PNN: variants seen among roughly 807,000 people sequenced by gnomAD.
The protein encoded by PNN is pinin.
PNN carries 38 observed loss-of-function variants against 76.6 expected under a neutral mutation model. The ratio of observed to expected loss-of-function variants is 0.50; its 90% CI spans 0.38 to 0.65. The LOEUF (loss-of-function observed/expected upper bound fraction) is 0.65. Ranked by LOEUF, PNN falls within the 30% of genes least tolerant of loss-of-function variation. The pLI, the probability that PNN is intolerant of heterozygous loss-of-function variation, is 0.00. For missense variants in PNN, 873 were observed against 874.1 expected, an observed-to-expected ratio of 1.00 and a Z score of 0.02; for synonymous variants, 366 against 283.7, an observed-to-expected ratio of 1.29 and a Z score of -2.91.
intron 8 of PNN, among the ~76,000 whole-genome samples, chr14:39,179,903 A>G (rs902864775): frequency 5.7e-4 from 69 of 121,680 alleles, no homozygotes; most frequent in Admixed American, 8.4e-4. Flanking sequence ...CTCCATCTCA[A>G]AAAAAAAAAA....
At position 39,179,305 on chromosome 14, in the gene PNN, C is replaced by G; in HGVS notation, c.655-19C>G. On this transcript the variant is annotated intron_variant, in intron 7 of 8. Transcript: ENST00000216832. ...TCCTTTGTGTTTACAAAAGCACTGA[C>G]CCTTTACCTTTTCTTTAGCAAGAAG... 6.2e-7 allele frequency: 1 copy of G among 1,609,708 alleles called. No homozygotes were observed. Among genetic ancestry groups the G allele is most frequent in the South Asian group, 1.1e-5 (1 of 90,274 alleles).
rs537808321 is a variant in PNN, at chr14:39,182,878, A to G, written c.*1015A>G. The G allele has an allele frequency of 2.0e-5, 3 of 152,794 alleles. No individual in the cohort carries two copies. The East Asian group carries it at 5.8e-4, about 29-fold the overall frequency. The allele number at this position is 152,794 out of a possible 1,614,324, so 9.5% of individuals were successfully genotyped here. ...TAACTTTGTTGTTTTACAAATTTGT[A>G]TGAACTTGGAGTATCTGTTGGCCAT... On this transcript the variant is annotated 3_prime_UTR_variant, in exon 9 of 9. Transcript: ENST00000216832.
chr14:39,177,158 G>C (rs980135507), intron 3 of PNN, among the ~76,000 whole-genome samples: 8 of 152,216 alleles, frequency 5.3e-5, no homozygotes, highest in African/African-American at 9.6e-5. Context: ...GCCAAGACCA[G>C]CAGATCACTT....
chr14:39,175,482 T>C (rs2053212805), intron 1 of PNN, 90 bp downstream of exon 1: 1 of 798,574 alleles, frequency 1.3e-6, no homozygotes, highest in Non-Finnish European at 2.1e-6. Flanking sequence ...CGGCCAGCCT[T>C]AAGAAGACTG....
At chr14:39,175,789 T>C (rs1043244098) in intron 1 of PNN, 2 of 479,808 alleles carry the variant, frequency 4.2e-6, no homozygotes, top group Non-Finnish European at 7.4e-6. Flanking sequence ...CCCAGCTTCC[T>C]GTCCACGTGC....
chr14:39,179,316 TTC>T lies in PNN; in HGVS notation c.655-6_655-5del. On this transcript the variant is annotated splice_polypyrimidine_tract_variant and splice_region_variant and intron_variant, in intron 7 of 8. Coordinates refer to ENST00000216832, the MANE Select transcript of PNN (RefSeq NM_002687.4). ...TACAAAAGCACTGACCCTTTACCTT[TTC>T]TTTAGCAAGAAGAATGGAATGAACA... 1 of 1,608,920 alleles carries T rather than the reference TTC, an allele frequency of 6.2e-7. No homozygotes were observed. Among genetic ancestry groups the T allele is most frequent in the South Asian group, 1.1e-5 (1 of 90,038 alleles).
intron 2 of PNN, 107 bp downstream of exon 2, chr14:39,176,256 CTTTGT>C: frequency 1.4e-6 from 1 of 715,250 alleles, no homozygotes; most frequent in African/African-American, 1.8e-5. Flanking sequence ...TGTTTGTCGT[CTTTGT>C]TTTGTTTAAT....
chr14:39,176,026 C>T (rs895916698), intron 1 of PNN, 52 bp from the exon 2 acceptor site: 25 of 930,506 alleles, frequency 2.7e-5, no homozygotes, highest in Admixed American at 2.1e-4. Context: ...TATTTGGGTG[C>T]GACTGTGTGT....
rs927203371 is a variant in PNN, at chr14:39,182,096, T to TA, written c.*240dup. ...CCAAAATATGTAAAAATGATAATAATAAAAAAAGATTAACATCCCTTGTCA... is the reference window on the plus strand; with the variant it reads ...CCAAAATATGTAAAAATGATAATAATAAAAAAAAGATTAACATCCCTTGTCA... On this transcript the variant is annotated 3_prime_UTR_variant, in exon 9 of 9. Transcript: ENST00000216832. 12 of 403,926 alleles carry TA rather than the reference T, an allele frequency of 3.0e-5. No individual in the cohort carries two copies. The highest frequency in any genetic ancestry group is 5.3e-5 in the Non-Finnish European group (12 of 228,124). 25.0% of individuals were successfully genotyped at this position (403,926 alleles called of 1,614,324 possible). A position where few individuals can be genotyped will look rare whatever the true frequency, so the allele number is the denominator to read the frequency against.
chr14:39,181,462 A>G lies in PNN; in HGVS notation c.1753A>G (p.Ser585Gly). The G allele has an allele frequency of 6.2e-7, 1 of 1,611,696 alleles. No homozygotes were observed. The highest frequency in any genetic ancestry group is 8.5e-7 in the Non-Finnish European group (1 of 1,178,760). Residue 585 changes from serine to glycine, a missense_variant, in exon 9 of 9, where the codon AGC becomes GGC. Ser to Gly is a moderately conservative substitution (Grantham distance 56, BLOSUM62 0). Transcript: ENST00000216832. ...SRSSSSSSSS[S>G]SSTSSSSGSS... Reference sequence around the variant, plus strand: ...AAGCAGTAGCAGTAGCAGTTCTAGTAGCAGTTCAACCAGTAGCAGCAGTGG... The same window carrying G: ...AAGCAGTAGCAGTAGCAGTTCTAGTGGCAGTTCAACCAGTAGCAGCAGTGG...
At chr14:39,178,744 AAAT>A (rs1178250975) in intron 6 of PNN, among the ~76,000 whole-genome samples, 4 of 143,158 alleles carry the variant, frequency 2.8e-5, no homozygotes, top group South Asian at 2.1e-4. Flanking sequence ...AAAAAAAAAA[AAAT>A]TTTTTTTGAG....
chr14:39,181,680 T>G lies in PNN; in HGVS notation c.1971T>G (p.Thr657=), dbSNP rs767876080. 1 of 1,614,016 alleles carries G rather than the reference T, an allele frequency of 6.2e-7. No homozygotes were observed. The highest frequency in any genetic ancestry group is 1.1e-5 in the South Asian group (1 of 91,080). The part of the protein sequence containing the change: ...RRSVDRKRRD[T]SGLERSHKSS... The stretch of plus-strand genomic sequence containing the variant: ...GCGTGGATCGGAAGAGAAGGGATAC[T>G]TCAGGACTAGAAAGAAGTCACAAAT... Residue 657 remains threonine, a synonymous_variant, in exon 9 of 9, where the codon ACT becomes ACG. Transcript: ENST00000216832.
Position 39,181,752 on chromosome 14 carries a change from G to A in PNN, c.2043G>A (p.Lys681=). ...GAGATACAAAAGGATCAAAGGATAA[G>A]AATTCCCGGTCCGACAGAAAGAGGT... The part of the protein sequence containing the change: ...SSRDTKGSKD[K]NSRSDRKRSI... The change falls in exon 9 of 9, where the codon AAG becomes AAA. Residue 681 remains lysine, a synonymous_variant. Coordinates refer to ENST00000216832, the MANE Select transcript of PNN (RefSeq NM_002687.4). 1.2e-6 allele frequency: 2 copies of A among 1,614,150 alleles called. No individual in the cohort carries two copies. The highest frequency in any genetic ancestry group is 2.2e-5 in the South Asian group (2 of 91,086).
intron 2 of PNN, 111 bp downstream of exon 2, chr14:39,176,260 G>A (rs2053223004): frequency 1.4e-6 from 1 of 706,970 alleles, no homozygotes; most frequent in Non-Finnish European, 2.5e-6. Context: ...TGTCGTCTTT[G>A]TTTTGTTTAA....
intron 2 of PNN, 128 bp downstream of exon 2, chr14:39,176,277 A>G (rs950081126): frequency 3.9e-5 from 26 of 659,142 alleles, no homozygotes; most frequent in Non-Finnish European, 5.9e-5. Flanking sequence ...TTAATGTTGT[A>G]ATAGACTAGA....
In PNN at chr14:39,179,377, G is replaced by A. The variant is rs999181190; in HGVS notation, c.708G>A (p.Lys236=). 11 of 1,610,386 alleles carry A rather than the reference G, an allele frequency of 6.8e-6. No homozygotes were observed. The highest frequency in any genetic ancestry group is 9.3e-6 in the Non-Finnish European group (11 of 1,176,910). The part of the protein sequence containing the change: ...NAKIIKYIRT[K]TKPHLFYIPG... The stretch of plus-strand genomic sequence containing the variant: ...AAATAATTAAATATATAAGAACTAA[G>A]ACAAAGCCCCATTTGTTTTATATTC... Residue 236 remains lysine, a synonymous_variant, in exon 8 of 9, where the codon AAG becomes AAA. Coordinates refer to ENST00000216832, the MANE Select transcript of PNN (RefSeq NM_002687.4).
Position 39,176,967 on chromosome 14 carries a change from C to G in PNN, c.254+372C>G, listed in dbSNP as rs146221195. ...TAGTTCACACATTGTAGTATCCTTT[C>G]TCTGCTGGAGGAAAGAATAAAATGG... On this transcript the variant is annotated intron_variant, in intron 3 of 8. Coordinates refer to ENST00000216832, the MANE Select transcript of PNN (RefSeq NM_002687.4). Among the ~76,000 whole-genome samples the G allele has an allele frequency of 6.5e-4, 99 of 152,306 alleles. 1 individual carries two copies. The East Asian group carries it at 0.015, about 24-fold the overall frequency.
Position 39,179,312 on chromosome 14 carries a change from C to A in PNN, c.655-12C>A. Reference sequence around the variant, plus strand: ...TGTTTACAAAAGCACTGACCCTTTACCTTTTCTTTAGCAAGAAGAATGGAA... The same window carrying A: ...TGTTTACAAAAGCACTGACCCTTTAACTTTTCTTTAGCAAGAAGAATGGAA... On this transcript the variant is annotated splice_polypyrimidine_tract_variant and intron_variant, in intron 7 of 8. Coordinates refer to ENST00000216832, the MANE Select transcript of PNN (RefSeq NM_002687.4). 6.2e-7 allele frequency: 1 copy of A among 1,609,072 alleles called. No individual in the cohort carries two copies. Among genetic ancestry groups the A allele is most frequent in the South Asian group, 1.1e-5 (1 of 90,142 alleles).
chr14:39,175,710 C>G (rs376399338), intron 1 of PNN: 6 of 467,684 alleles, frequency 1.3e-5, no homozygotes, highest in African/African-American at 1.0e-4. Context: ...AAAGCCCCTT[C>G]CCGCTCCGGC....
Sources: allele counts gnomAD v4.1 joint callset (sites outside exome capture counted in the v4.1 genomes callset), GRCh38; gene constraint gnomAD v4.1.1; transcripts MANE v1.5; gene names NCBI Gene and HGNC (gene_info 2026-07-23, HGNC 2026-07-21).